Variants in MIER3 observed in about 807,000 individuals in gnomAD.
MIER3 encodes MIER family member 3, also known as mesoderm induction early response protein 3.
In MIER3, 9 loss-of-function variants were observed where a neutral mutation model predicts 63.2. That is an observed-to-expected ratio of 0.14 (90% CI 0.09 to 0.25). The LOEUF (loss-of-function observed/expected upper bound fraction) is 0.25, where lower values mean the gene tolerates loss of function less well. MIER3 is among the 10% of genes least tolerant of loss of function. The pLI, the probability that MIER3 is intolerant of heterozygous loss-of-function variation, is 1.00. For missense variants in MIER3, 512 were observed against 666.2 expected, an observed-to-expected ratio of 0.77 and a Z score of 2.55; for synonymous variants, 205 against 224.9, an observed-to-expected ratio of 0.91 and a Z score of 0.79.
chr5:56,930,564 G>T, intron 9 of MIER3, 100 bp downstream of exon 9: 3 of 939,570 alleles, frequency 3.2e-6, no homozygotes, highest in Non-Finnish European at 5.2e-6. Flanking sequence ...TCTTACAAAA[G>T]TGTTACAGGA....
chr5:56,927,213 A>T (rs1193340062), intron 10 of MIER3, among the ~76,000 whole-genome samples: 1 of 152,220 alleles, frequency 6.6e-6, no homozygotes, highest in Non-Finnish European at 1.5e-5. Context: ...AATGTACAAC[A>T]TGAAGAGCGA....
intron 3 of MIER3, among the ~76,000 whole-genome samples, chr5:56,944,891 C>T (rs1750774883): frequency 6.8e-6 from 1 of 147,332 alleles, no homozygotes; most frequent in Non-Finnish European, 1.5e-5. Flanking sequence ...GAAACAGGGT[C>T]TCACTATGTG....
chr5:56,926,373 C>T (rs922781074), intron 10 of MIER3, among the ~76,000 whole-genome samples: 8 of 151,436 alleles, frequency 5.3e-5, no homozygotes, highest in African/African-American at 1.9e-4. Flanking sequence ...CCAAAATATA[C>T]AAATAACTCC....
At chr5:56,944,083 T>C (rs921294349) in intron 3 of MIER3, among the ~76,000 whole-genome samples, 1 of 152,174 alleles carries the variant, frequency 6.6e-6, no homozygotes, top group Non-Finnish European at 1.5e-5. Context: ...CTTGATCCTA[T>C]GATGCACTCC....
chr5:56,951,363 G>A (rs1001500702), intron 1 of MIER3, among the ~76,000 whole-genome samples: 5 of 151,832 alleles, frequency 3.3e-5, no homozygotes, highest in African/African-American at 9.7e-5. Context: ...CACCAGTCCC[G>A]GGGGACATGG....
At chr5:56,926,885 TA>T (rs1335032544) in intron 10 of MIER3, among the ~76,000 whole-genome samples, 2 of 93,968 alleles carry the variant, frequency 2.1e-5, no homozygotes, top group Non-Finnish European at 6.5e-5. Flanking sequence ...TATTCAGTGA[TA>T]AAAAAAAGAA....
chr5:56,923,549 G>T lies in MIER3; in HGVS notation c.1232C>A (p.Thr411Lys), dbSNP rs1420321337. ...TNSVATVCDP[T>K]DVNCLDDSFP... ...GCTATCATCCAAACAATTCACATCTGTGGGGTCGCAGACGGTTGCTACACT... is the reference window on the plus strand; with the variant it reads ...GCTATCATCCAAACAATTCACATCTTTGGGGTCGCAGACGGTTGCTACACT... The change falls in exon 13 of 13, where the codon ACA (threonine) becomes AAA (lysine). Residue 411 changes from threonine (T) to lysine (K), a missense_variant. Coordinates refer to ENST00000381199, the MANE Select transcript of MIER3 (RefSeq NM_001297599.2). 1.9e-6 allele frequency: 3 copies of T among 1,613,972 alleles called. No homozygotes were observed. Among genetic ancestry groups the T allele is most frequent in the African/African-American group, 1.3e-5 (1 of 74,924 alleles).
At chr5:56,932,036 T>C (rs1055888725) in intron 8 of MIER3, among the ~76,000 whole-genome samples, 12 of 152,202 alleles carry the variant, frequency 7.9e-5, no homozygotes, top group African/African-American at 2.9e-4. Context: ...CTCATGCCTG[T>C]AATCCCAACA....
rs371679889 is a variant in MIER3 at position 56,928,981 on chromosome 5, A to ACTCT, written c.830-124_830-121dup. 1.0e-4 allele frequency: 49 copies of ACTCT among 469,172 alleles called. No individual in the cohort carries two copies. The African/African-American group carries it at 1.6e-3, about 16-fold the overall frequency. 29.1% of individuals were successfully genotyped at this position (469,172 alleles called of 1,614,324 possible). On this transcript the variant is annotated intron_variant, in intron 9 of 12. Transcript: ENST00000381199. ...CTCTCTCTCTCTCTCACACACACAC[A>ACTCT]CTCTCTCTCTCACACACACACACAC...
intron 1 of MIER3, among the ~76,000 whole-genome samples, chr5:56,951,825 C>T (rs1751045721): frequency 6.6e-6 from 1 of 151,440 alleles, no homozygotes; most frequent in East Asian, 1.9e-4. Flanking sequence ...CTGCAGCCGG[C>T]CGCCACCTCC....
At chr5:56,948,315 T>C (rs1321332409) in intron 2 of MIER3, among the ~76,000 whole-genome samples, 3 of 152,228 alleles carry the variant, frequency 2.0e-5, no homozygotes, top group Non-Finnish European at 1.5e-5. Context: ...TCTTCCTTAA[T>C]GTTGAAAAAT....
chr5:56,942,871 C>T (rs532042978), intron 3 of MIER3, among the ~76,000 whole-genome samples: 4 of 152,148 alleles, frequency 2.6e-5, no homozygotes, highest in Non-Finnish European at 5.9e-5. Context: ...CTGGGACAAG[C>T]GCGGTAGCTG....
intron 3 of MIER3, among the ~76,000 whole-genome samples, chr5:56,942,679 T>C (rs765169566): frequency 6.6e-6 from 1 of 151,886 alleles, no homozygotes; most frequent in East Asian, 1.9e-4. Flanking sequence ...AAAGAAAAGA[T>C]CATAAAATAA....
intron 10 of MIER3, among the ~76,000 whole-genome samples, chr5:56,926,586 C>T (rs1421507363): frequency 3.3e-5 from 5 of 152,078 alleles, no homozygotes; most frequent in South Asian, 4.1e-4. Context: ...ACTGACACCA[C>T]GAAATGCTGG....
intron 3 of MIER3, among the ~76,000 whole-genome samples, chr5:56,940,623 A>G (rs537286531): frequency 1.3e-5 from 2 of 152,392 alleles, no homozygotes; most frequent in South Asian, 4.1e-4. Flanking sequence ...TCTAATGACC[A>G]TAAATGATCA....
At chr5:56,937,939 G>GCCTAATTTA (rs1227397908) in intron 4 of MIER3, among the ~76,000 whole-genome samples, 10 of 151,646 alleles carry the variant, frequency 6.6e-5, no homozygotes, top group Non-Finnish European at 1.3e-4. Context: ...CCTAATTTGT[G>GCCTAATTTA]GGTATGCAGA....
rs1230039811 is a variant in MIER3, at chr5:56,922,260, T to C, written c.*868A>G. ...TCGACTGCCTCAGGATAAACTAAATTATCAATGACTGGTATGATTTTTAAG... is the reference window on the plus strand; with the variant it reads ...TCGACTGCCTCAGGATAAACTAAATCATCAATGACTGGTATGATTTTTAAG... On this transcript the variant is annotated 3_prime_UTR_variant, in exon 13 of 13. Coordinates refer to ENST00000381199, the MANE Select transcript of MIER3 (RefSeq NM_001297599.2). 6 of 152,540 alleles carry C rather than the reference T, an allele frequency of 3.9e-5. No individual in the cohort carries two copies. In the East Asian group the frequency reaches 5.8e-4, roughly 15 times the overall value. The allele number at this position is 152,540 out of a possible 1,614,324, so 9.4% of individuals were successfully genotyped here. A position where few individuals can be genotyped will look rare whatever the true frequency, so the allele number is the denominator to read the frequency against.
intron 10 of MIER3, chr5:56,927,949 T>C (rs898788326): frequency 3.3e-5 from 5 of 152,156 alleles, no homozygotes; most frequent in Admixed American, 2.0e-4. Context: ...CAGAATATCA[T>C]ATATTTGGAA....
intron 2 of MIER3, chr5:56,947,298 G>A (rs773077659): frequency 4.8e-6 from 2 of 420,392 alleles, no homozygotes; most frequent in East Asian, 4.3e-5. Context: ...TTTTATAAGG[G>A]GTTTAGTCCA....
Sources: allele counts gnomAD v4.1 joint callset (sites outside exome capture counted in the v4.1 genomes callset), GRCh38; gene constraint gnomAD v4.1.1; transcripts MANE v1.5; gene names NCBI Gene and HGNC (gene_info 2026-07-23, HGNC 2026-07-21).